SAMD12: variants seen among roughly 807,000 people sequenced by gnomAD.
SAMD12 encodes the protein sterile alpha motif domain-containing protein 12.
In SAMD12, 9 loss-of-function variants were observed where a neutral mutation model predicts 15.0. The ratio of observed to expected loss-of-function variants is 0.60; its 90% confidence interval spans 0.36 to 1.05. SAMD12 has a LOEUF of 1.05. SAMD12 is among the 50% of genes least tolerant of loss of function. The pLI, the probability that SAMD12 is intolerant of heterozygous loss-of-function variation, is 0.01. For synonymous variants in SAMD12, 86 were observed against 90.1 expected (o/e 0.96, Z 0.25); for missense variants, 230 against 234.2 (o/e 0.98, Z 0.12).
At chr8:118,333,872 G>T (rs1816921991) in intron 4 of SAMD12, among the ~76,000 whole-genome samples, 1 of 150,332 alleles carries the variant, frequency 6.7e-6, no homozygotes, top group Admixed American at 6.6e-5. Flanking sequence ...CTGTGTGTGT[G>T]TGTGTGCGTT....
intron 4 of SAMD12, among the ~76,000 whole-genome samples, chr8:118,322,991 T>A (rs1392733609): frequency 6.6e-6 from 1 of 152,212 alleles, no homozygotes; most frequent in Non-Finnish European, 1.5e-5. Context: ...GGGATTCAGG[T>A]CTTGCCAACA....
At position 118,292,349 on chromosome 8, in the gene SAMD12, G is replaced by GACACAC. The variant is rs3052706; in HGVS notation, c.433+87205_433+87210dup. On this transcript the variant is annotated intron_variant, in intron 4 of 4. Transcript: ENST00000409003. ...TAATGTCCAAAACTGCAAACACACAGACACACACACACACACACACACACA... is the reference window on the plus strand; with the variant it reads ...TAATGTCCAAAACTGCAAACACACAGACACACACACACACACACACACACACACACA... Among the ~76,000 whole-genome samples the GACACAC allele has an allele frequency of 2.9e-3, 401 of 137,716 alleles. 2 individuals carry two copies. Among genetic ancestry groups the GACACAC allele is most frequent in the African/African-American group, 0.01 (375 of 36,272 alleles). 90.3% of individuals were successfully genotyped at this position (137,716 alleles called of 152,430 possible). A position where few individuals can be genotyped will look rare whatever the true frequency, so the allele number is the denominator to read the frequency against.
At chr8:118,174,126 C>T in the SAMD12 span, among the ~76,000 whole-genome samples, 1 of 152,090 alleles carries the variant, frequency 6.6e-6, no homozygotes, top group African/African-American at 2.4e-5. Context: ...GGTTTTGGCC[C>T]CCTCCTCTGT....
intron 4 of SAMD12, among the ~76,000 whole-genome samples, chr8:118,209,263 C>T (rs537502449): frequency 5.9e-5 from 9 of 152,228 alleles, no homozygotes; most frequent in Admixed American, 4.6e-4. Flanking sequence ...AAGTCGAGTT[C>T]CCCAAAATGA....
rs139278952 is a variant in SAMD12 at position 118,529,956 on chromosome 8, T to C, written c.192+50759A>G. ...TTAGTTCTTTGAGAAATCTCCATAC[T>C]GTTTTCCATTAGAGATTGCACTAAT... On this transcript the variant is annotated intron_variant, in intron 2 of 3. Transcript: ENST00000314727. Among the ~76,000 whole-genome samples the C allele has an allele frequency of 2.6e-5, 4 of 152,350 alleles. No individual in the cohort carries two copies. The East Asian group carries it at 7.7e-4, about 29-fold the overall frequency.
intron 4 of SAMD12, among the ~76,000 whole-genome samples, chr8:118,298,848 T>C (rs1814866327): frequency 2.0e-5 from 3 of 152,192 alleles, no homozygotes; most frequent in Admixed American, 1.3e-4. Context: ...TAATAGAATA[T>C]TGAGATGATA....
the SAMD12 span, among the ~76,000 whole-genome samples, chr8:118,164,116 G>C: frequency 6.6e-6 from 1 of 152,086 alleles, no homozygotes; most frequent in Non-Finnish European, 1.5e-5. Context: ...AGGAAGAGGA[G>C]GGAGAGCAGC....
At chr8:118,491,356 C>T (rs1401581823) in intron 2 of SAMD12, among the ~76,000 whole-genome samples, 1 of 152,154 alleles carries the variant, frequency 6.6e-6, no homozygotes, top group Non-Finnish European at 1.5e-5. Context: ...TCGTAAGACT[C>T]ATGTCACAAG....
exon 5 of SAMD12, chr8:118,191,763 TATATATATATATATA>T (rs1819384692): frequency 1.2e-3 from 17 of 14,424 alleles, no homozygotes; most frequent in East Asian, 9.1e-3. Context: ...AGATTATATA[TATATATATATATATA>T]TATATATATA....
intron 4 of SAMD12, among the ~76,000 whole-genome samples, chr8:118,337,947 A>C (rs1817165772): frequency 6.6e-6 from 1 of 152,252 alleles, no homozygotes; most frequent in African/African-American, 2.4e-5. Flanking sequence ...AAGAAACAAA[A>C]AGAAATTAAT....
intron 1 of SAMD12, among the ~76,000 whole-genome samples, chr8:118,596,665 C>CTTTA (rs150191915): frequency 0.028 from 4,250 of 152,290 alleles, 175 homozygotes; most frequent in African/African-American, 0.094. Flanking sequence ...GCATCTGGCA[C>CTTTA]TTTACCTTTC....
intron 4 of SAMD12, among the ~76,000 whole-genome samples, chr8:118,322,355 A>C (rs1049324881): frequency 6.6e-6 from 1 of 152,194 alleles, no homozygotes; most frequent in African/African-American, 2.4e-5. Flanking sequence ...ACCACATAAT[A>C]AGCTCTTCAT....
the SAMD12 span, among the ~76,000 whole-genome samples, chr8:118,150,380 G>GT: frequency 6.6e-6 from 1 of 151,988 alleles, no homozygotes; most frequent in East Asian, 1.9e-4. Context: ...CGTTATTATT[G>GT]TTTTTTCTCT....
At chr8:118,172,160 C>G in the SAMD12 span, among the ~76,000 whole-genome samples, 2 of 151,914 alleles carry the variant, frequency 1.3e-5, no homozygotes, top group South Asian at 4.2e-4. Flanking sequence ...ATGTAAATGA[C>G]GAGTTAATGG....
At chr8:118,604,538 G>A (rs1017726143) in intron 1 of SAMD12, among the ~76,000 whole-genome samples, 5 of 152,164 alleles carry the variant, frequency 3.3e-5, no homozygotes, top group Non-Finnish European at 7.3e-5. Context: ...AAACATTAGA[G>A]GGATGACTAA....
intron 2 of SAMD12, among the ~76,000 whole-genome samples, chr8:118,526,249 G>A (rs1006122411): frequency 6.6e-6 from 1 of 152,126 alleles, no homozygotes; most frequent in African/African-American, 2.4e-5. Context: ...GTTTGTACAG[G>A]TAAATAATTA....
At chr8:118,242,112 G>A (rs951137726) in intron 4 of SAMD12, among the ~76,000 whole-genome samples, 2 of 152,168 alleles carry the variant, frequency 1.3e-5, no homozygotes, top group South Asian at 2.1e-4. Context: ...ACAGTGTTTC[G>A]TCATGTTGTT....
intron 2 of SAMD12, among the ~76,000 whole-genome samples, chr8:118,517,911 T>C (rs1825289433): frequency 6.6e-6 from 1 of 152,198 alleles, no homozygotes; most frequent in Non-Finnish European, 1.5e-5. Context: ...TCAGTCACGA[T>C]TGAATCTGGG....
At chr8:118,154,472 T>C in the SAMD12 span, among the ~76,000 whole-genome samples, 1 of 152,166 alleles carries the variant, frequency 6.6e-6, no homozygotes, top group Non-Finnish European at 1.5e-5. Flanking sequence ...CATACTGTTA[T>C]CATAACGCAG....
Sources: allele counts gnomAD v4.1 joint callset (sites outside exome capture counted in the v4.1 genomes callset), GRCh38; gene constraint gnomAD v4.1.1; transcripts MANE v1.5; gene names NCBI Gene and HGNC (gene_info 2026-07-23, HGNC 2026-07-21).